The following COL22A1 variants were observed in gnomAD, a reference collection of about 807,000 sequenced individuals.
COL22A1 encodes collagen alpha-1(XXII) chain.
A neutral mutation model predicts 248.9 loss-of-function variants in COL22A1; 221 were observed. That is an observed-to-expected ratio of 0.89 (90% CI 0.80 to 0.99). The LOEUF is 0.99. Ranked by LOEUF, COL22A1 falls within the 50% of genes least tolerant of loss-of-function variation. The pLI is 0.00. For synonymous variants in COL22A1, 891 were observed against 793.4 expected (o/e 1.12, Z -2.07); for missense variants, 2,240 against 2,179.0 (o/e 1.03, Z -0.56).
chr8:138,598,913 A>C lies in COL22A1; in HGVS notation c.4186-15T>G. ...CCAGGATCTCCCTAAGGAGGAAATA[A>C]GCATGTCAGCATGTGTCTCAGGGCT... On this transcript the variant is annotated splice_polypyrimidine_tract_variant and intron_variant, in intron 60 of 64. Coordinates refer to ENST00000303045, the MANE Select transcript of COL22A1 (RefSeq NM_152888.3). 1 of 1,613,542 alleles carries C rather than the reference A, an allele frequency of 6.2e-7. No homozygotes were observed. Among genetic ancestry groups the C allele is most frequent in the Non-Finnish European group, 8.5e-7 (1 of 1,179,654 alleles).
intron 7 of COL22A1, among the ~76,000 whole-genome samples, chr8:138,815,301 A>G (rs1818588240): frequency 6.6e-6 from 1 of 152,200 alleles, no homozygotes; most frequent in South Asian, 2.1e-4. Flanking sequence ...CTGTATGTCC[A>G]TCTTCCTTCC....
intron 12 of COL22A1, among the ~76,000 whole-genome samples, chr8:138,781,384 CT>C (rs34503957): frequency 0.016 from 2,435 of 152,246 alleles, 30 homozygotes; most frequent in Middle Eastern, 0.027. Flanking sequence ...CTGGATGAGC[CT>C]TTGCTATGGG....
chr8:138,630,883 C>A, intron 49 of COL22A1, 135 bp from the exon 50 acceptor site: 1 of 806,872 alleles, frequency 1.2e-6, no homozygotes, highest in Non-Finnish European at 2.1e-6. Flanking sequence ...AATGTGATTC[C>A]CAATATTGTA....
At chr8:138,641,227 CT>C (rs1821662850) in intron 47 of COL22A1, among the ~76,000 whole-genome samples, 1 of 152,116 alleles carries the variant, frequency 6.6e-6, no homozygotes, top group Non-Finnish European at 1.5e-5. Flanking sequence ...AATCCCAAGG[CT>C]TTTTCAGGTA....
chr8:138,677,744 C>T lies in COL22A1; in HGVS notation c.3073-1109G>A, dbSNP rs139692066. Among the ~76,000 whole-genome samples, 99 of 152,290 alleles carry T rather than the reference C, an allele frequency of 6.5e-4. 2 individuals are homozygous for T. The East Asian group carries it at 0.017, about 26-fold the overall frequency. On this transcript the variant is annotated intron_variant, in intron 40 of 64. Transcript: ENST00000303045. ...ATTTTGCATATTACCTTTCCAAAATCGAAATTGAATTTGGCCCAAAACAGA... is the reference window on the plus strand; with the variant it reads ...ATTTTGCATATTACCTTTCCAAAATTGAAATTGAATTTGGCCCAAAACAGA...
intron 41 of COL22A1, among the ~76,000 whole-genome samples, chr8:138,668,696 C>A (rs1244958756): frequency 3.9e-5 from 6 of 152,076 alleles, no homozygotes; most frequent in African/African-American, 1.4e-4. Context: ...GAGTACCTCA[C>A]ATGTGTGCAG....
intron 1 of COL22A1, among the ~76,000 whole-genome samples, chr8:138,902,735 T>TATA (rs1554661303): frequency 5.5e-4 from 50 of 90,354 alleles, no homozygotes; most frequent in Admixed American, 2.2e-3. Flanking sequence ...AATATATATA[T>TATA]ATATACACAC....
chr8:138,636,777 C>T lies in COL22A1; in HGVS notation c.3520G>A (p.Gly1174Ser). The part of the protein sequence containing the change: ...AGPQGSQGER[G>S]ADGEVGQKGD... ...TTCTGCCCAACCTCACCATCTGCAC[C>T]ACGTTCTCCTTGACTTCCCTTGAAA... The change falls in exon 48 of 65, where the codon GGT becomes AGT. Residue 1174 changes from glycine (G) to serine (S), a missense_variant. By Grantham distance (56) the Gly-to-Ser change is moderately conservative. Transcript: ENST00000303045. 6.2e-7 allele frequency: 1 copy of T among 1,613,466 alleles called. No homozygotes were observed. The highest frequency in any genetic ancestry group is 8.5e-7 in the Non-Finnish European group (1 of 1,179,544).
intron 57 of COL22A1, among the ~76,000 whole-genome samples, chr8:138,607,378 T>C (rs1057159952): frequency 1.3e-5 from 2 of 152,082 alleles, no homozygotes; most frequent in East Asian, 3.9e-4. Context: ...TAAAGAACCA[T>C]CTTCCCCACC....
intron 12 of COL22A1, among the ~76,000 whole-genome samples, chr8:138,785,253 C>T (rs972588752): frequency 7.9e-5 from 12 of 152,182 alleles, no homozygotes; most frequent in African/African-American, 2.2e-4. Context: ...AGCCAGGAGA[C>T]GGTGGTGAGC....
At chr8:138,640,099 CTT>C (rs1821538257) in intron 47 of COL22A1, among the ~76,000 whole-genome samples, 1 of 152,170 alleles carries the variant, frequency 6.6e-6, no homozygotes. Flanking sequence ...TTCTTTCAGT[CTT>C]TGCAATCTCT....
intron 56 of COL22A1, among the ~76,000 whole-genome samples, chr8:138,611,146 T>C (rs931213884): frequency 2.0e-5 from 3 of 152,252 alleles, no homozygotes; most frequent in Admixed American, 6.5e-5. Context: ...CGCTGCCCTA[T>C]GCCAAGAGGC....
chr8:138,744,920 T>C (rs1563701572), intron 22 of COL22A1, among the ~76,000 whole-genome samples: 1 of 152,152 alleles, frequency 6.6e-6, no homozygotes, highest in East Asian at 1.9e-4. Context: ...TTGGATAGGA[T>C]CACCTCTCCA....
chr8:138,847,937 T>G (rs570125543), intron 3 of COL22A1, among the ~76,000 whole-genome samples: 1 of 152,280 alleles, frequency 6.6e-6, no homozygotes, highest in Non-Finnish European at 1.5e-5. Context: ...AGCTGGAAGG[T>G]CAGATTCTCT....
chr8:138,612,793 C>T (rs544515258), intron 56 of COL22A1, among the ~76,000 whole-genome samples: 11 of 151,808 alleles, frequency 7.2e-5, no homozygotes, highest in South Asian at 6.3e-4. Context: ...AAATAATCAG[C>T]GGCGTGGTGG....
At chr8:138,705,968 C>G (rs1828399212) in intron 30 of COL22A1, among the ~76,000 whole-genome samples, 1 of 152,090 alleles carries the variant, frequency 6.6e-6, no homozygotes, top group Non-Finnish European at 1.5e-5. Context: ...CAAAAAAAAC[C>G]AGGGGTTGCA....
intron 1 of COL22A1, among the ~76,000 whole-genome samples, chr8:138,897,856 T>C (rs1814240327): frequency 6.6e-6 from 1 of 151,386 alleles, no homozygotes; most frequent in Non-Finnish European, 1.5e-5. Flanking sequence ...CTGCAACAAA[T>C]TGCCATGGAC....
At chr8:138,658,601 G>A (rs1054210833) in intron 44 of COL22A1, among the ~76,000 whole-genome samples, 3 of 152,210 alleles carry the variant, frequency 2.0e-5, no homozygotes, top group African/African-American at 7.2e-5. Context: ...AGGACAAATG[G>A]AAGCTTGTAT....
At chr8:138,674,845 T>C (rs1825381127) in intron 41 of COL22A1, among the ~76,000 whole-genome samples, 1 of 152,122 alleles carries the variant, frequency 6.6e-6, no homozygotes, top group Admixed American at 6.5e-5. Flanking sequence ...AGGGGCCCTA[T>C]TAAAGGAGAA....
Sources: gnomAD v4.1 joint callset for allele counts (sites outside exome capture counted in the v4.1 genomes callset) on GRCh38, gnomAD v4.1.1 for gene constraint, MANE v1.5 for transcripts, NCBI Gene and HGNC (gene_info 2026-07-23, HGNC 2026-07-21) for gene names.